C21orf91: variants seen among roughly 807,000 people sequenced by gnomAD.
C21orf91 encodes the protein chromosome 21 open reading frame 91, also known as protein EURL homolog.
A neutral mutation model predicts 32.9 loss-of-function variants in C21orf91; 26 were observed. The ratio of observed to expected loss-of-function variants is 0.79; its 90% CI spans 0.58 to 1.10. The LOEUF (loss-of-function observed/expected upper bound fraction) is 1.10. Ranked by LOEUF, C21orf91 falls within the 50% of genes least tolerant of loss-of-function variation. C21orf91 has a pLI of 0.00. For synonymous variants in C21orf91, 126 were observed against 120.4 expected, an observed-to-expected ratio of 1.05 and a Z score of -0.31; for missense variants, 310 against 341.3, an observed-to-expected ratio of 0.91 and a Z score of 0.72.
In C21orf91 at chr21:17,790,361, T is replaced by TA. The variant is rs2146239742; in HGVS notation, c.*3053dup. On this transcript the variant is annotated 3_prime_UTR_variant, in exon 5 of 5. Coordinates refer to ENST00000284881, the MANE Select transcript of C21orf91 (RefSeq NM_001100420.2). ...AGCCTTACCAGTGTAAACACTAAGG[T>TA]AAAAAATATATAAACAACATAAAGA... 2.0e-5 allele frequency: 3 copies of TA among 151,814 alleles called. 1 individual carries two copies. The East Asian group carries it at 5.8e-4, about 29-fold the overall frequency. The allele number at this position is 151,814 out of a possible 1,614,324, so 9.4% of individuals were successfully genotyped here. A position where few individuals can be genotyped will look rare whatever the true frequency, so the allele number is the denominator to read the frequency against.
chr21:17,800,344 CACTG>C (rs1008454471), intron 2 of C21orf91, among the ~76,000 whole-genome samples: 8 of 152,260 alleles, frequency 5.3e-5, no homozygotes, highest in South Asian at 2.1e-4. Context: ...TTCTATAAAA[CACTG>C]ACTACTTCAT....
chr21:17,803,164 T>C (rs2062573631), intron 2 of C21orf91, among the ~76,000 whole-genome samples: 1 of 152,226 alleles, frequency 6.6e-6, no homozygotes, highest in African/African-American at 2.4e-5. Context: ...TGAAAAAATT[T>C]TAAGCACACT....
Position 17,818,226 on chromosome 21 carries a change from G to C in C21orf91, c.93C>G (p.Ser31=). 1 of 1,610,414 alleles carries C rather than the reference G, an allele frequency of 6.2e-7. No homozygotes were observed. The highest frequency in any genetic ancestry group is 8.5e-7 in the Non-Finnish European group (1 of 1,176,700). Residue 31 remains serine, a synonymous_variant, in exon 2 of 5, where the codon TCC becomes TCG. Coordinates refer to ENST00000284881, the MANE Select transcript of C21orf91 (RefSeq NM_001100420.2). ...CKLGTDKETL[S]FCHICFELNI... is the part of the protein sequence containing the mutation. ...TTAGCTCAAAACAAATGTGGCAGAA[G>C]GAGAGTGTTTCTTTGTCTGTTCCCA...
At chr21:17,809,931 G>A (rs2062621509) in intron 2 of C21orf91, among the ~76,000 whole-genome samples, 1 of 152,136 alleles carries the variant, frequency 6.6e-6, no homozygotes, top group African/African-American at 2.4e-5. Flanking sequence ...TAACAGCAAA[G>A]AGCTACCAGA....
At chr21:17,795,321 G>A in intron 3 of C21orf91, 51 bp from the exon 4 acceptor site, 1 of 1,191,364 alleles carries the variant, frequency 8.4e-7, no homozygotes, top group Non-Finnish European at 1.3e-6. Flanking sequence ...AGGAAAACAT[G>A]CTGCTTACAT....
chr21:17,808,253 G>C (rs1338472596), intron 2 of C21orf91, among the ~76,000 whole-genome samples: 1 of 152,254 alleles, frequency 6.6e-6, no homozygotes, highest in Non-Finnish European at 1.5e-5. Context: ...GCTCCAGAGA[G>C]TGCAAGCTGT....
intron 2 of C21orf91, among the ~76,000 whole-genome samples, chr21:17,805,510 C>T (rs1258347513): frequency 6.6e-6 from 1 of 152,096 alleles, no homozygotes; most frequent in African/African-American, 2.4e-5. Context: ...GACAGGGTTT[C>T]ACCATGTTGG....
intron 2 of C21orf91, among the ~76,000 whole-genome samples, chr21:17,812,900 G>C (rs1257078098): frequency 6.6e-6 from 1 of 152,164 alleles, no homozygotes; most frequent in Non-Finnish European, 1.5e-5. Context: ...TCTGCCATGG[G>C]ATGATGCAGC....
At chr21:17,799,688 C>A (rs2062545856) in intron 2 of C21orf91, among the ~76,000 whole-genome samples, 1 of 152,084 alleles carries the variant, frequency 6.6e-6, no homozygotes. Context: ...GTTAGTTTAT[C>A]ACACTAGATT....
At chr21:17,807,129 T>G (rs1277526486) in intron 2 of C21orf91, among the ~76,000 whole-genome samples, 1 of 152,220 alleles carries the variant, frequency 6.6e-6, no homozygotes, top group Non-Finnish European at 1.5e-5. Context: ...AAAATTGATA[T>G]GGTTTCGATT....
Position 17,790,061 on chromosome 21 carries a change from T to C in C21orf91, c.*3354A>G, listed in dbSNP as rs1442456221. The stretch of plus-strand genomic sequence containing the variant: ...ACATTTGTCAGTAAATGAACTGGCA[T>C]ACATCAGAAAAAGTTGACAATAGAA... On this transcript the variant is annotated 3_prime_UTR_variant, in exon 5 of 5. Coordinates refer to ENST00000284881, the MANE Select transcript of C21orf91 (RefSeq NM_001100420.2). 1 of 152,138 alleles carries C rather than the reference T, an allele frequency of 6.6e-6. No homozygotes were observed. Among genetic ancestry groups the C allele is most frequent in the African/African-American group, 2.4e-5 (1 of 41,448 alleles). The allele number at this position is 152,138 out of a possible 1,614,324, so 9.4% of individuals were successfully genotyped here.
At chr21:17,808,072 C>A (rs938368261) in intron 2 of C21orf91, among the ~76,000 whole-genome samples, 3 of 152,178 alleles carry the variant, frequency 2.0e-5, no homozygotes, top group African/African-American at 7.2e-5. Context: ...ATTTCAGAGA[C>A]CTTTGTTGCA....
chr21:17,796,645 CTTCTT>C lies in C21orf91; in HGVS notation c.596_600del (p.Lys199ArgfsTer5). The C allele has an allele frequency of 6.2e-7, 1 of 1,614,058 alleles. No individual in the cohort carries two copies. Among genetic ancestry groups the C allele is most frequent in the Non-Finnish European group, 8.5e-7 (1 of 1,179,946 alleles). ...TTAGCCTCTGGACTAGAGATTGTCT[CTTCTT>C]TTTTCTGTGCCTGGTTGTGACTATG... On this transcript the variant is annotated frameshift_variant, in exon 3 of 5. Transcript: ENST00000284881. LOFTEE classifies it high-confidence loss of function.
chr21:17,802,532 C>T (rs907178516), intron 2 of C21orf91, among the ~76,000 whole-genome samples: 1 of 152,162 alleles, frequency 6.6e-6, no homozygotes, highest in Admixed American at 6.5e-5. Context: ...GTTTAATTCA[C>T]CAATTGTAGG....
chr21:17,798,563 A>G (rs1051827043), intron 2 of C21orf91, among the ~76,000 whole-genome samples: 6 of 152,228 alleles, frequency 3.9e-5, no homozygotes, highest in African/African-American at 1.2e-4. Context: ...AAACTTAAAC[A>G]GAATTTAATA....
At chr21:17,806,994 A>G (rs1183920444) in intron 2 of C21orf91, among the ~76,000 whole-genome samples, 1 of 152,228 alleles carries the variant, frequency 6.6e-6, no homozygotes, top group Non-Finnish European at 1.5e-5. Context: ...TATGACTGAT[A>G]TTTATCCAAT....
chr21:17,815,724 A>G (rs1448274704), intron 2 of C21orf91, among the ~76,000 whole-genome samples: 6 of 152,046 alleles, frequency 3.9e-5, no homozygotes, highest in Admixed American at 3.9e-4. Flanking sequence ...GCGATGGCAC[A>G]ATCTCAGCTC....
rs1322456558 is a variant in C21orf91 at position 17,789,150 on chromosome 21, TTC to T, written c.*4263_*4264del. 6 of 149,696 alleles carry T rather than the reference TTC, an allele frequency of 4.0e-5. No individual in the cohort carries two copies. The highest frequency in any genetic ancestry group is 1.5e-4 in the African/African-American group (6 of 39,836). 9.3% of individuals were successfully genotyped at this position (149,696 alleles called of 1,614,324 possible). On this transcript the variant is annotated 3_prime_UTR_variant, in exon 5 of 5. Coordinates refer to ENST00000284881, the MANE Select transcript of C21orf91 (RefSeq NM_001100420.2). ...TGGTTTTTACCACAGCAGTTTCATT[TTC>T]TTTTTCCAAAAGTCTTAACACAATT...
At chr21:17,810,897 G>T (rs936351336) in intron 2 of C21orf91, 17 of 152,178 alleles carry the variant, frequency 1.1e-4, no homozygotes, top group African/African-American at 3.6e-4. Flanking sequence ...TATGGAAATT[G>T]CATCACCCCA....
Sources: gnomAD v4.1 joint callset for allele counts (sites outside exome capture counted in the v4.1 genomes callset) on GRCh38, gnomAD v4.1.1 for gene constraint, MANE v1.5 for transcripts, NCBI Gene and HGNC (gene_info 2026-07-23, HGNC 2026-07-21) for gene names.